The following EXOC4 variants were observed in gnomAD, a reference collection of about 807,000 sequenced individuals.
EXOC4 encodes the protein SEC8-like 1.
Under a neutral mutation model 107.2 loss-of-function variants are expected in EXOC4, and 71 were observed. The ratio of observed to expected loss-of-function variants is 0.66; its 90% CI spans 0.55 to 0.81. The LOEUF is 0.81. Ranked by LOEUF, EXOC4 falls within the 30% of genes least tolerant of loss-of-function variation. The pLI is 0.00. For missense variants in EXOC4, 1,108 were observed against 1,189.6 expected (o/e 0.93, Z 1.01); for synonymous variants, 456 against 441.2 (o/e 1.03, Z -0.42).
chr7:134,089,272 C>T, the EXOC4 span, among the ~76,000 whole-genome samples: 1 of 152,188 alleles, frequency 6.6e-6, no homozygotes, highest in African/African-American at 2.4e-5. Flanking sequence ...TCCTTTAACA[C>T]TTTAGGCATA....
At chr7:133,288,018 G>A (rs534317786) in intron 2 of EXOC4, among the ~76,000 whole-genome samples, 1 of 151,954 alleles carries the variant, frequency 6.6e-6, no homozygotes, top group Non-Finnish European at 1.5e-5. Context: ...TGCATTCATG[G>A]GTAAATTTTA....
At chr7:133,984,681 G>C (rs1332335176) in intron 14 of EXOC4, among the ~76,000 whole-genome samples, 1 of 152,206 alleles carries the variant, frequency 6.6e-6, no homozygotes, top group Non-Finnish European at 1.5e-5. Flanking sequence ...TAGGAATGCT[G>C]TGGGCAAATA....
At chr7:133,868,927 A>G (rs1798696128) in intron 11 of EXOC4, among the ~76,000 whole-genome samples, 1 of 151,742 alleles carries the variant, frequency 6.6e-6, no homozygotes, top group African/African-American at 2.4e-5. Context: ...CCTCGATAAC[A>G]TCTCTCCTTC....
intron 5 of EXOC4, among the ~76,000 whole-genome samples, chr7:133,319,358 A>G (rs1009444339): frequency 6.6e-6 from 1 of 152,200 alleles, no homozygotes; most frequent in Non-Finnish European, 1.5e-5. Flanking sequence ...TGCATTCATT[A>G]CTTAGTGGAG....
At chr7:134,023,511 ATT>A (rs1795071782) in intron 17 of EXOC4, among the ~76,000 whole-genome samples, 1 of 152,168 alleles carries the variant, frequency 6.6e-6, no homozygotes, top group African/African-American at 2.4e-5. Flanking sequence ...ATTTACACAC[ATT>A]GTCTTATTTA....
intron 17 of EXOC4, among the ~76,000 whole-genome samples, chr7:134,047,837 G>T (rs962957217): frequency 6.6e-6 from 1 of 152,164 alleles, no homozygotes; most frequent in African/African-American, 2.4e-5. Context: ...AACCTAACCG[G>T]ACAGGTTCTT....
intron 16 of EXOC4, 140 bp downstream of exon 16, chr7:134,005,230 C>G (rs1794619179): frequency 1.3e-6 from 1 of 799,380 alleles, no homozygotes; most frequent in South Asian, 1.8e-5. Flanking sequence ...TCTGCAATAC[C>G]TAGCCTCTTT....
At chr7:133,365,060 C>T (rs1438439103) in intron 6 of EXOC4, among the ~76,000 whole-genome samples, 2 of 152,122 alleles carry the variant, frequency 1.3e-5, no homozygotes, top group Non-Finnish European at 2.9e-5. Flanking sequence ...CAGTGGCAGG[C>T]CTCAGAGATA....
intron 14 of EXOC4, among the ~76,000 whole-genome samples, chr7:133,951,376 G>A (rs529329810): frequency 3.3e-5 from 5 of 152,286 alleles, no homozygotes; most frequent in African/African-American, 7.2e-5. Context: ...GTCAACTAAC[G>A]TATACACAAC....
At chr7:133,885,323 A>C (rs1283564845) in intron 11 of EXOC4, among the ~76,000 whole-genome samples, 1 of 152,050 alleles carries the variant, frequency 6.6e-6, no homozygotes, top group African/African-American at 2.4e-5. Context: ...AAAAAAAAAA[A>C]AAAAAGATAC....
At chr7:133,658,214 A>G (rs918784954) in intron 10 of EXOC4, among the ~76,000 whole-genome samples, 1 of 152,162 alleles carries the variant, frequency 6.6e-6, no homozygotes, top group African/African-American at 2.4e-5. Context: ...TACATCCGTG[A>G]GGACTGTTTG....
At chr7:133,573,667 AG>A (rs1298191837) in intron 9 of EXOC4, among the ~76,000 whole-genome samples, 2 of 150,626 alleles carry the variant, frequency 1.3e-5, no homozygotes, top group African/African-American at 4.9e-5. Flanking sequence ...TCTTCTTTTG[AG>A]GCAAGGTTTC....
intron 7 of EXOC4, among the ~76,000 whole-genome samples, chr7:133,434,383 A>C (rs1354744346): frequency 1.3e-5 from 2 of 152,220 alleles, no homozygotes; most frequent in African/African-American, 2.4e-5. Context: ...TATTGTGTAA[A>C]AGCTCAGAAG....
At chr7:133,573,225 T>G (rs185659333) in intron 9 of EXOC4, among the ~76,000 whole-genome samples, 5 of 152,286 alleles carry the variant, frequency 3.3e-5, no homozygotes, top group South Asian at 2.1e-4. Context: ...TACCACTTTA[T>G]GTATATTGTT....
intron 11 of EXOC4, among the ~76,000 whole-genome samples, chr7:133,861,545 G>GT (rs373028879): frequency 2.0e-4 from 31 of 152,052 alleles, no homozygotes; most frequent in Middle Eastern, 3.4e-3. Context: ...GTTTTGTTTT[G>GT]TTTTTTTGTG....
chr7:133,759,354 T>G (rs985514807), intron 10 of EXOC4, among the ~76,000 whole-genome samples: 1 of 152,122 alleles, frequency 6.6e-6, no homozygotes, highest in South Asian at 2.1e-4. Flanking sequence ...AAAACTCAAG[T>G]GGATCTGGGA....
At chr7:133,480,562 A>C in intron 9 of EXOC4, 1 of 497,606 alleles carries the variant, frequency 2.0e-6, no homozygotes, top group Non-Finnish European at 2.8e-6. Flanking sequence ...AAAGGGAAAA[A>C]GATGCCTCTA....
At chr7:133,917,226 G>A (rs2116634027) in intron 12 of EXOC4, among the ~76,000 whole-genome samples, 1 of 152,238 alleles carries the variant, frequency 6.6e-6, no homozygotes, top group African/African-American at 2.4e-5. Context: ...TCACTTAATA[G>A]CATTCTTTTA....
the EXOC4 span, among the ~76,000 whole-genome samples, chr7:134,084,338 G>C: frequency 1.3e-5 from 2 of 152,188 alleles, no homozygotes; most frequent in African/African-American, 4.8e-5. Flanking sequence ...CAGTGTTACA[G>C]ACAGTTTAAA....
Sources: allele counts gnomAD v4.1 joint callset (sites outside exome capture counted in the v4.1 genomes callset), GRCh38; gene constraint gnomAD v4.1.1; transcripts MANE v1.5; gene names NCBI Gene and HGNC (gene_info 2026-07-23, HGNC 2026-07-21).